KANK1: variants seen among roughly 807,000 people sequenced by gnomAD.
KANK1 encodes the protein KN motif and ankyrin repeat domain-containing protein 1.
A neutral mutation model predicts 106.2 loss-of-function variants in KANK1; 109 were observed. That is an observed-to-expected ratio of 1.03 (90% CI 0.88 to 1.20). KANK1 has a LOEUF of 1.20. Among genes scored for constraint, KANK1 ranks in the 50% most tolerant of loss-of-function variants. The probability of loss-of-function intolerance (pLI) is 0.00; values close to 1 mark genes in which losing one functional copy is unlikely to be tolerated. For missense variants in KANK1, 2,399 were observed against 1,710.7 expected (o/e 1.40, Z -7.10); for synonymous variants, 873 against 652.2 (o/e 1.34, Z -5.16).
At chr9:515,537 A>T (rs925005640) in intron 1 of KANK1, among the ~76,000 whole-genome samples, 2 of 151,804 alleles carry the variant, frequency 1.3e-5, no homozygotes, top group African/African-American at 2.4e-5. Flanking sequence ...GGATAACTCT[A>T]CTAGTTCTGA....
intron 3 of KANK1, among the ~76,000 whole-genome samples, chr9:494,021 T>TA (rs1344385578): frequency 6.6e-6 from 1 of 152,026 alleles, no homozygotes; most frequent in African/African-American, 2.4e-5. Flanking sequence ...TAGCTGGGAT[T>TA]ACAGGTGCAC....
At position 732,396 on chromosome 9, in the gene KANK1, T is replaced by G; in HGVS notation, c.3024T>G (p.Ser1008Arg). The G allele has an allele frequency of 6.2e-7, 1 of 1,611,694 alleles. No individual in the cohort carries two copies. Among genetic ancestry groups the G allele is most frequent in the Non-Finnish European group, 8.5e-7 (1 of 1,177,946 alleles). ...GINGGYETTS[S>R]DDSSSDESSS... ...CACCTAGGTATGAAACAACTTCAAG[T>G]GATGATTCCAGCTCAGATGAAAGCT... Residue 1008 changes from serine (S) to arginine (R), a missense_variant, in exon 6 of 12, where the codon AGT becomes AGG. By Grantham distance (110) the Ser-to-Arg change is moderately radical. Transcript: ENST00000382297.
Position 711,030 on chromosome 9 carries a change from C to T in KANK1, c.264C>T (p.Ser88=), listed in dbSNP as rs143882652. Residue 88 remains serine (S), a synonymous_variant, in exon 3 of 12, where the codon TCC becomes TCT. Coordinates refer to ENST00000382297, the MANE Select transcript of KANK1 (RefSeq NM_015158.5). ...CTGGTCAGCAAGGTATATGGACTTC[C>T]ACTGAATCCCTCTCATCCTCCAACA... The part of the protein sequence containing the change: ...TTSGQQGIWT[S]TESLSSSNSD... The T allele has an allele frequency of 6.8e-6, 11 of 1,614,178 alleles. No homozygotes were observed. The highest frequency in any genetic ancestry group is 1.6e-4 in the Middle Eastern group (1 of 6,062).
chr9:583,418 T>C (rs1565789), intron 1 of KANK1, among the ~76,000 whole-genome samples: 76,799 of 151,906 alleles, frequency 0.51, 19,942 homozygotes, highest in South Asian at 0.6. Flanking sequence ...CTCATGACTT[T>C]ACCTGCATGT....
chr9:699,966 A>G (rs1171974319), intron 2 of KANK1, among the ~76,000 whole-genome samples: 5 of 152,160 alleles, frequency 3.3e-5, no homozygotes, highest in Non-Finnish European at 7.4e-5. Flanking sequence ...TGAGTGACAG[A>G]GCAAGACCCT....
Position 733,586 on chromosome 9 carries a change from A to G in KANK1, c.3245+969A>G, listed in dbSNP as rs1832887461. 4 of 152,258 alleles carry G rather than the reference A, an allele frequency of 2.6e-5. No homozygotes were observed. The South Asian group carries it at 8.3e-4, about 32-fold the overall frequency. 9.4% of individuals were successfully genotyped at this position (152,258 alleles called of 1,614,324 possible). A position where few individuals can be genotyped will look rare whatever the true frequency, so the allele number is the denominator to read the frequency against. On this transcript the variant is annotated intron_variant, in intron 6 of 11. Transcript: ENST00000382297. ...GATCGCTTGAGCACAGGAGTTTGAG[A>G]CTAGCCTGGACAATATAGTAAGACC...
chr9:635,043 A>G (rs1042196024), intron 1 of KANK1, among the ~76,000 whole-genome samples: 2 of 152,120 alleles, frequency 1.3e-5, no homozygotes, highest in African/African-American at 4.8e-5. Flanking sequence ...ACTGACCAAA[A>G]ATGAGTCACA....
At chr9:636,763 A>T (rs1588460928) in intron 1 of KANK1, among the ~76,000 whole-genome samples, 1 of 152,196 alleles carries the variant, frequency 6.6e-6, no homozygotes, top group Non-Finnish European at 1.5e-5. Context: ...GCTACTCAGG[A>T]GGCTGAGGCA....
chr9:647,533 C>T lies in KANK1; in HGVS notation c.-83-29357C>T, dbSNP rs182403771. Among the ~76,000 whole-genome samples, 57 of 150,952 alleles carry T rather than the reference C, an allele frequency of 3.8e-4. 3 individuals carry two copies. Among genetic ancestry groups the T allele is most frequent in the Admixed American group, 1.3e-3 (20 of 15,250 alleles). On this transcript the variant is annotated intron_variant, in intron 1 of 11. Coordinates refer to ENST00000382297, the MANE Select transcript of KANK1 (RefSeq NM_015158.5). ...GCAGTTTTCTAGTATAGTCTTTCAT[C>T]TTACGAAAATATATTTAATCCCCAC...
intron 9 of KANK1, 134 bp downstream of exon 9, chr9:741,068 T>A: frequency 1.1e-6 from 1 of 922,416 alleles, no homozygotes; most frequent in Admixed American, 2.8e-5. Flanking sequence ...CTGCCCTGAG[T>A]CCATACACTG....
intron 1 of KANK1, among the ~76,000 whole-genome samples, chr9:624,764 A>G (rs1320630980): frequency 6.6e-6 from 1 of 152,144 alleles, no homozygotes; most frequent in Non-Finnish European, 1.5e-5. Context: ...ACGCCACTGT[A>G]CCCCAGCCTG....
At position 745,720 on chromosome 9, in the gene KANK1, T is replaced by TG. The variant is rs1240887312; in HGVS notation, c.*488dup. The TG allele has an allele frequency of 6.6e-6, 1 of 152,622 alleles. No individual in the cohort carries two copies. Among genetic ancestry groups the TG allele is most frequent in the African/African-American group, 2.4e-5 (1 of 41,472 alleles). 9.5% of individuals were successfully genotyped at this position (152,622 alleles called of 1,614,324 possible). A position where few individuals can be genotyped will look rare whatever the true frequency, so the allele number is the denominator to read the frequency against. On this transcript the variant is annotated 3_prime_UTR_variant, in exon 12 of 12. Coordinates refer to ENST00000382297, the MANE Select transcript of KANK1 (RefSeq NM_015158.5). ...GAGATGACTTTGATCATTGGTAACT[T>TG]GGGCCTGGGCCAGACAAAGTATAAA... is the stretch of plus-strand genomic sequence containing the variant.
At chr9:485,355 A>C (rs1470685087) in intron 3 of KANK1, among the ~76,000 whole-genome samples, 1 of 152,260 alleles carries the variant, frequency 6.6e-6, no homozygotes, top group African/African-American at 2.4e-5. Flanking sequence ...TTTAAAGTAT[A>C]CAATTCAATG....
intron 1 of KANK1, among the ~76,000 whole-genome samples, chr9:625,304 T>G (rs7863570): frequency 0.66 from 100,306 of 152,118 alleles, 35,581 homozygotes; most frequent in African/African-American, 0.9. Context: ...TAAGTATTTA[T>G]CTGTAAGCCA....
chr9:537,242 C>A (rs1429398700), intron 1 of KANK1, among the ~76,000 whole-genome samples: 1 of 152,140 alleles, frequency 6.6e-6, no homozygotes, highest in East Asian at 1.9e-4. Context: ...AAAATTGGAC[C>A]CCTCTGTGAC....
At chr9:694,999 T>G (rs139542606) in intron 2 of KANK1, among the ~76,000 whole-genome samples, 280 of 152,298 alleles carry the variant, frequency 1.8e-3, no homozygotes, top group African/African-American at 6.5e-3. Flanking sequence ...GAAGCAACTT[T>G]GGAAATCAGA....
intron 1 of KANK1, among the ~76,000 whole-genome samples, chr9:657,261 G>C (rs1401994132): frequency 6.6e-6 from 1 of 152,086 alleles, no homozygotes; most frequent in Non-Finnish European, 1.5e-5. Context: ...ATTTTCCTTA[G>C]GCATTCATCT....
intron 2 of KANK1, among the ~76,000 whole-genome samples, chr9:705,629 C>A (rs532383203): frequency 6.6e-6 from 1 of 151,412 alleles, no homozygotes; most frequent in African/African-American, 2.4e-5. Flanking sequence ...TGAAGTTTTG[C>A]TCTTGTTGCC....
At chr9:608,843 T>C (rs1280487826) in intron 1 of KANK1, among the ~76,000 whole-genome samples, 2 of 152,138 alleles carry the variant, frequency 1.3e-5, no homozygotes, top group African/African-American at 2.4e-5. Flanking sequence ...ACTAAGCCAA[T>C]GTTGAGACTG....
Sources: gnomAD v4.1 joint callset for allele counts (sites outside exome capture counted in the v4.1 genomes callset) on GRCh38, gnomAD v4.1.1 for gene constraint, MANE v1.5 for transcripts, NCBI Gene and HGNC (gene_info 2026-07-23, HGNC 2026-07-21) for gene names.